UBE3D: variants seen among roughly 807,000 people sequenced by gnomAD.
UBE3D encodes the protein E3 ubiquitin-protein ligase E3D.
Under a neutral mutation model 49.6 loss-of-function variants are expected in UBE3D, and 48 were observed. The ratio of observed to expected loss-of-function variants is 0.97; its 90% CI spans 0.77 to 1.23. The LOEUF is 1.23. Among genes scored for constraint, UBE3D ranks in the 50% most tolerant of loss-of-function variants. UBE3D has a pLI of 0.00. For synonymous variants in UBE3D, 189 were observed against 174.2 expected, an observed-to-expected ratio of 1.08 and a Z score of -0.67; for missense variants, 452 against 468.4, an observed-to-expected ratio of 0.96 and a Z score of 0.32.
intron 9 of UBE3D, among the ~76,000 whole-genome samples, chr6:82,931,607 T>G (rs753818770): frequency 2.0e-5 from 3 of 152,190 alleles, no homozygotes; most frequent in Admixed American, 2.0e-4. Context: ...AACTTTAAGG[T>G]TTAATAAATG....
chr6:83,026,690 GTATT>G (rs1213599154), intron 5 of UBE3D, among the ~76,000 whole-genome samples: 1 of 152,036 alleles, frequency 6.6e-6, no homozygotes, highest in African/African-American at 2.4e-5. Flanking sequence ...AAATGCCTAT[GTATT>G]TATTTATTTA....
At chr6:82,951,015 A>G (rs1229535883) in intron 9 of UBE3D, among the ~76,000 whole-genome samples, 1 of 152,044 alleles carries the variant, frequency 6.6e-6, no homozygotes, top group Admixed American at 6.6e-5. Context: ...AAAAAAAAAG[A>G]AAGAATAAGA....
chr6:83,009,552 C>T (rs1273937203), intron 8 of UBE3D, among the ~76,000 whole-genome samples: 1 of 149,370 alleles, frequency 6.7e-6, no homozygotes, highest in Admixed American at 6.8e-5. Flanking sequence ...AGAGCCAACA[C>T]CCAAGGAAAA....
At chr6:83,048,616 A>G (rs1783243520) in intron 3 of UBE3D, among the ~76,000 whole-genome samples, 1 of 152,250 alleles carries the variant, frequency 6.6e-6, no homozygotes, top group South Asian at 2.1e-4. Context: ...TAATGTGACC[A>G]TATATCATGT....
chr6:83,039,246 G>A (rs1782477949), intron 4 of UBE3D, among the ~76,000 whole-genome samples: 1 of 152,238 alleles, frequency 6.6e-6, no homozygotes, highest in African/African-American at 2.4e-5. Context: ...CAGGGAAAAG[G>A]AGGTTCTACA....
chr6:82,915,109 GT>G (rs1562079068), intron 9 of UBE3D, among the ~76,000 whole-genome samples: 1 of 152,044 alleles, frequency 6.6e-6, no homozygotes, highest in Non-Finnish European at 1.5e-5. Flanking sequence ...AAAGTTTTAA[GT>G]TTTATAGAAT....
chr6:82,983,426 C>T (rs1428295279), intron 8 of UBE3D, among the ~76,000 whole-genome samples: 2 of 151,966 alleles, frequency 1.3e-5, no homozygotes, highest in Non-Finnish European at 2.9e-5. Context: ...TGGTTGGATC[C>T]CTGGTTGTTT....
chr6:82,931,705 G>A (rs1245986663), intron 9 of UBE3D, among the ~76,000 whole-genome samples: 1 of 152,206 alleles, frequency 6.6e-6, no homozygotes, highest in Non-Finnish European at 1.5e-5. Context: ...TTTACCCAAA[G>A]CCTGTATACT....
At chr6:83,011,870 C>A (rs182818897) in intron 8 of UBE3D, among the ~76,000 whole-genome samples, 30 of 152,234 alleles carry the variant, frequency 2.0e-4, no homozygotes, top group Non-Finnish European at 4.3e-4. Context: ...TCCACTTCCA[C>A]CCCTCAATTC....
intron 8 of UBE3D, among the ~76,000 whole-genome samples, chr6:82,984,989 TTTCTTTCTTCTTCTTC>T (rs1582549404): frequency 1.3e-5 from 2 of 149,468 alleles, no homozygotes; most frequent in East Asian, 4.0e-4. Flanking sequence ...TTTAAATTTT[TTTCTTTCTTCTTCTTC>T]TTCTTTTTTT....
chr6:82,937,987 G>A (rs906278799), intron 9 of UBE3D, among the ~76,000 whole-genome samples: 4 of 151,898 alleles, frequency 2.6e-5, no homozygotes, highest in African/African-American at 9.7e-5. Context: ...ACGGGCGTGT[G>A]CGCGCGCACA....
At chr6:83,020,343 T>C (rs1781000465) in intron 7 of UBE3D, among the ~76,000 whole-genome samples, 1 of 16,420 alleles carries the variant, frequency 6.1e-5, no homozygotes, top group African/African-American at 1.3e-4. Flanking sequence ...GTGATACTGT[T>C]TTTTTTTTTT....
At chr6:82,888,262 G>A (rs548561034), downstream of UBE3D, among the ~76,000 whole-genome samples, 2 of 150,356 alleles carry the variant, frequency 1.3e-5, no homozygotes, top group South Asian at 4.2e-4. Context: ...TGCTGCTACT[G>A]CTTGAAATTA....
At chr6:82,966,356 A>G (rs1045050873) in intron 8 of UBE3D, among the ~76,000 whole-genome samples, 1 of 134,280 alleles carries the variant, frequency 7.4e-6, no homozygotes, top group Non-Finnish European at 1.6e-5. Context: ...GAATATACTT[A>G]AAAACCACTG....
At chr6:83,024,527 A>G (rs1408090798) in intron 5 of UBE3D, among the ~76,000 whole-genome samples, 1 of 152,174 alleles carries the variant, frequency 6.6e-6, no homozygotes, top group Non-Finnish European at 1.5e-5. Context: ...GGATTCTGCC[A>G]GCTGCTAAGT....
chr6:83,049,903 C>G, intron 3 of UBE3D: 1 of 411,640 alleles, frequency 2.4e-6, no homozygotes, highest in South Asian at 1.7e-5. Context: ...CTATTCACAA[C>G]AAAATAAATT....
At chr6:82,991,974 AAATT>A (rs1373482921) in intron 8 of UBE3D, among the ~76,000 whole-genome samples, 3 of 151,860 alleles carry the variant, frequency 2.0e-5, no homozygotes, top group Admixed American at 2.0e-4. Context: ...CCTAATATAT[AAATT>A]AAGATCTTCA....
At chr6:83,062,016 G>A (rs748672633) in intron 1 of UBE3D, among the ~76,000 whole-genome samples, 9 of 152,106 alleles carry the variant, frequency 5.9e-5, no homozygotes, top group Non-Finnish European at 1.3e-4. Context: ...ATAAAAGATT[G>A]TAACTTTTTT....
rs1188065752 is a variant in UBE3D at position 83,057,814 on chromosome 6, A to G, written c.274+12T>C. ...AGGTAAATACAGCAGCAGAAGTGCT[A>G]ATATTACTCACTTGTGCCTAATTTT... On this transcript the variant is annotated intron_variant, in intron 2 of 9. Transcript: ENST00000369747. 3 of 1,612,906 alleles carry G rather than the reference A, an allele frequency of 1.9e-6. No homozygotes were observed. The Admixed American group carries it at 5.0e-5, about 27-fold the overall frequency.
Sources: gnomAD v4.1 joint callset for allele counts (sites outside exome capture counted in the v4.1 genomes callset) on GRCh38, gnomAD v4.1.1 for gene constraint, MANE v1.5 for transcripts, NCBI Gene and HGNC (gene_info 2026-07-23, HGNC 2026-07-21) for gene names.